TSPAN18: variants seen among roughly 807,000 people sequenced by gnomAD.
TSPAN18 encodes tetraspanin 18.
A neutral mutation model predicts 27.3 loss-of-function variants in TSPAN18; 14 were observed. That is an observed-to-expected ratio of 0.51 (90% confidence interval 0.34 to 0.80). TSPAN18 has a LOEUF of 0.80. Ranked by LOEUF, TSPAN18 falls within the 30% of genes least tolerant of loss-of-function variation. The probability of loss-of-function intolerance (pLI) is 0.01; values close to 1 mark genes in which losing one functional copy is unlikely to be tolerated. For synonymous variants in TSPAN18, 143 were observed against 136.5 expected, an observed-to-expected ratio of 1.05 and a Z score of -0.33; for missense variants, 268 against 323.9, an observed-to-expected ratio of 0.83 and a Z score of 1.32.
At chr11:44,790,366 C>G (rs976504454) in intron 2 of TSPAN18, among the ~76,000 whole-genome samples, 2 of 140,386 alleles carry the variant, frequency 1.4e-5, no homozygotes, top group African/African-American at 5.5e-5. Flanking sequence ...TGGGTGCGTG[C>G]ATGTTTGTGT....
At chr11:44,823,141 T>C (rs1053800280) in intron 2 of TSPAN18, among the ~76,000 whole-genome samples, 14 of 152,156 alleles carry the variant, frequency 9.2e-5, no homozygotes, top group African/African-American at 3.4e-4. Context: ...ATCAGGGACC[T>C]CCACGGCCGG....
chr11:44,926,470 A>C, intron 8 of TSPAN18: 1 of 574,840 alleles, frequency 1.7e-6, no homozygotes, highest in Non-Finnish European at 3.1e-6. Context: ...CCGGGTGGCA[A>C]AGAGGGTCTT....
At chr11:44,807,527 C>CAAAAAAAAAAAAAAAAA (rs59241339) in intron 2 of TSPAN18, among the ~76,000 whole-genome samples, 44 of 64,436 alleles carry the variant, frequency 6.8e-4, no homozygotes, top group East Asian at 9.6e-4. Flanking sequence ...AACTCCATCT[C>CAAAAAAAAAAAAAAAAA]AAAAAAAAAA....
intron 1 of TSPAN18, among the ~76,000 whole-genome samples, chr11:44,739,079 T>G (rs1447170399): frequency 1.3e-5 from 2 of 152,066 alleles, no homozygotes; most frequent in African/African-American, 2.4e-5. Flanking sequence ...GATCCAGGGG[T>G]CTTGGTGACT....
chr11:44,902,874 G>A lies in TSPAN18; in HGVS notation c.-10-3533G>A, dbSNP rs115354499. On this transcript the variant is annotated intron_variant, in intron 3 of 9. Coordinates refer to ENST00000520358, the MANE Select transcript of TSPAN18 (RefSeq NM_130783.5). ...GGAGCACAGGAGAACACGACTGTGG[G>A]TTTGAATCCTTGTTGCTCCACTTTC... Among the ~76,000 whole-genome samples the A allele has an allele frequency of 7.1e-3, 1,077 of 152,316 alleles. 14 individuals are homozygous for A. Among genetic ancestry groups the A allele is most frequent in the African/African-American group, 0.024 (1,005 of 41,572 alleles).
intron 3 of TSPAN18, among the ~76,000 whole-genome samples, chr11:44,861,142 T>C (rs1857869592): frequency 6.6e-6 from 1 of 152,074 alleles, no homozygotes; most frequent in Non-Finnish European, 1.5e-5. Context: ...TGAGCTTCAG[T>C]CCTCGGTAGC....
At chr11:44,794,009 C>T (rs867925871) in intron 2 of TSPAN18, among the ~76,000 whole-genome samples, 3 of 152,060 alleles carry the variant, frequency 2.0e-5, no homozygotes, top group Non-Finnish European at 4.4e-5. Context: ...GATCTGTCAG[C>T]GGGTGGGACT....
intron 3 of TSPAN18, among the ~76,000 whole-genome samples, chr11:44,863,938 T>G (rs1278862141): frequency 2.0e-5 from 3 of 152,162 alleles, no homozygotes; most frequent in African/African-American, 7.2e-5. Flanking sequence ...ATCATATTAA[T>G]ATAACTCTGT....
At chr11:44,914,493 G>A (rs1019462838) in intron 5 of TSPAN18, among the ~76,000 whole-genome samples, 8 of 152,190 alleles carry the variant, frequency 5.3e-5, no homozygotes, top group African/African-American at 1.9e-4. Context: ...TGTGTTTGTG[G>A]GATGCCTAAG....
intron 3 of TSPAN18, among the ~76,000 whole-genome samples, chr11:44,883,460 C>A (rs1046961282): frequency 3.3e-5 from 5 of 152,298 alleles, no homozygotes; most frequent in Middle Eastern, 6.8e-3. Flanking sequence ...GTGTTTCATG[C>A]GGTGTGGTCT....
At position 44,764,495 on chromosome 11, in the gene TSPAN18, A is replaced by G. The variant is rs1389747632; in HGVS notation, c.-170A>G. The G allele has an allele frequency of 6.6e-6, 1 of 152,310 alleles. No homozygotes were observed. The highest frequency in any genetic ancestry group is 2.4e-5 in the African/African-American group (1 of 41,480). The allele number at this position is 152,310 out of a possible 1,614,324, so 9.4% of individuals were successfully genotyped here. ...TTGGCACCTCTGGGCCCAAAGGGAAAGACACCAGTGGAAAGAGGTATGATG... is the reference window on the plus strand; with the variant it reads ...TTGGCACCTCTGGGCCCAAAGGGAAGGACACCAGTGGAAAGAGGTATGATG... On this transcript the variant is annotated 5_prime_UTR_variant, in exon 2 of 10. Coordinates refer to ENST00000520358, the MANE Select transcript of TSPAN18 (RefSeq NM_130783.5).
At chr11:44,829,938 A>C (rs189053092) in intron 2 of TSPAN18, among the ~76,000 whole-genome samples, 6 of 152,330 alleles carry the variant, frequency 3.9e-5, no homozygotes, top group African/African-American at 1.4e-4. Flanking sequence ...GAAACATGCA[A>C]TATGAACCAA....
intron 3 of TSPAN18, among the ~76,000 whole-genome samples, chr11:44,890,725 A>G (rs1291948565): frequency 6.9e-6 from 1 of 145,660 alleles, no homozygotes; most frequent in Non-Finnish European, 1.5e-5. Flanking sequence ...CCTTGGCAAC[A>G]GAGCAAGACT....
intron 5 of TSPAN18, among the ~76,000 whole-genome samples, chr11:44,912,485 A>G (rs941772913): frequency 2.6e-5 from 4 of 152,010 alleles, no homozygotes; most frequent in African/African-American, 9.7e-5. Flanking sequence ...GTCAGAGGCA[A>G]AGGACGCTTG....
intron 1 of TSPAN18, among the ~76,000 whole-genome samples, chr11:44,743,876 G>A (rs1010131681): frequency 1.3e-5 from 2 of 152,206 alleles, no homozygotes; most frequent in South Asian, 2.1e-4. Flanking sequence ...CACCATCCGA[G>A]TACCCGGTTT....
At position 44,874,175 on chromosome 11, in the gene TSPAN18, C is replaced by T. The variant is rs553828804; in HGVS notation, c.-11+13706C>T. Among the ~76,000 whole-genome samples, 9 of 152,340 alleles carry T rather than the reference C, an allele frequency of 5.9e-5. No homozygotes were observed. The South Asian group carries it at 1.7e-3, about 28-fold the overall frequency. ...CACCACTGAGCTTCAATTTCCTCAT[C>T]TGTAAAAAGGAGATGGGCCTAGCAC... On this transcript the variant is annotated intron_variant, in intron 3 of 9. Transcript: ENST00000520358.
At chr11:44,828,316 G>T (rs965361952) in intron 2 of TSPAN18, among the ~76,000 whole-genome samples, 5 of 152,028 alleles carry the variant, frequency 3.3e-5, no homozygotes, top group Non-Finnish European at 7.4e-5. Flanking sequence ...ATTAAAAATG[G>T]TTTTTTAATT....
chr11:44,880,541 C>T (rs562658183), intron 3 of TSPAN18, among the ~76,000 whole-genome samples: 45 of 152,190 alleles, frequency 3.0e-4, no homozygotes, highest in Non-Finnish European at 2.9e-4. Context: ...CCCTTGGGTA[C>T]GGAGGCCTGG....
chr11:44,861,453 G>T, intron 3 of TSPAN18, among the ~76,000 whole-genome samples: 1 of 146,338 alleles, frequency 6.8e-6, no homozygotes, highest in Non-Finnish European at 1.5e-5. Flanking sequence ...GTCGGTGCTG[G>T]GGTGGGGGCG....
Sources: gnomAD v4.1 joint callset for allele counts (sites outside exome capture counted in the v4.1 genomes callset) on GRCh38, gnomAD v4.1.1 for gene constraint, MANE v1.5 for transcripts, NCBI Gene and HGNC (gene_info 2026-07-23, HGNC 2026-07-21) for gene names.